The following ZNF574 variants were observed in gnomAD, a reference collection of about 807,000 sequenced individuals.
ZNF574 encodes zinc finger protein 574.
A neutral mutation model predicts 56.6 loss-of-function variants in ZNF574; 25 were observed. The ratio of observed to expected loss-of-function variants is 0.44; its 90% CI spans 0.32 to 0.62. The LOEUF is 0.62. Among genes scored for constraint, ZNF574 ranks in the 20% least tolerant of loss-of-function variants. The pLI is 0.04. For synonymous variants in ZNF574, 543 were observed against 492.1 expected, an observed-to-expected ratio of 1.10 and a Z score of -1.37; for missense variants, 1,065 against 1,218.9, an observed-to-expected ratio of 0.87 and a Z score of 1.88.
Position 42,068,955 on chromosome 19 carries a change from G to A in ZNF574, c.244G>A (p.Ala82Thr), listed in dbSNP as rs1304766651. ...CAGCAGGGGCACGGACATGCCAGGG[G>A]CCCGGGGTAAGTGAGAGCCCAAGTA... Residue 82 changes from alanine to threonine, a missense_variant, in exon 1 of 2, where the codon GCC (alanine) becomes ACC (threonine). Coordinates refer to the ZNF574 transcript ENST00000222339. 3 of 613,866 alleles carry A rather than the reference G, an allele frequency of 4.9e-6. 1 individual carries two copies. The Admixed American group carries it at 7.9e-5, about 16-fold the overall frequency. 38.0% of individuals were successfully genotyped at this position (613,866 alleles called of 1,614,324 possible). A position where few individuals can be genotyped will look rare whatever the true frequency, so the allele number is the denominator to read the frequency against.
At chr19:42,070,634 G>C (rs995701086) in intron 1 of ZNF574, 1 of 153,400 alleles carries the variant, frequency 6.5e-6, no homozygotes, top group African/African-American at 2.4e-5. Flanking sequence ...GAAAAGCCCA[G>C]GGATAAGAAA....
At chr19:42,069,761 C>A (rs1200219366) in intron 1 of ZNF574, among the ~76,000 whole-genome samples, 1 of 151,776 alleles carries the variant, frequency 6.6e-6, no homozygotes, top group Non-Finnish European at 1.5e-5. Flanking sequence ...CTTTCCCCCT[C>A]CCCCCTGGAG....
chr19:42,070,451 G>A, intron 1 of ZNF574: 1 of 153,104 alleles, frequency 6.5e-6, no homozygotes, highest in Non-Finnish European at 1.5e-5. Flanking sequence ...TGCCCAGGCA[G>A]CCCTGGGCAC....
intron 1 of ZNF574, among the ~76,000 whole-genome samples, chr19:42,071,157 TGGAG>T (rs2076416642): frequency 1.3e-5 from 2 of 151,552 alleles, no homozygotes; most frequent in Admixed American, 6.6e-5. Flanking sequence ...GAGAGGAAGC[TGGAG>T]GGCAGAGCCA....
At chr19:42,078,507 A>C in intron 1 of ZNF574, 80 bp from the exon 2 acceptor site, 6 of 989,324 alleles carry the variant, frequency 6.1e-6, no homozygotes, top group Non-Finnish European at 8.2e-6. Flanking sequence ...GATCTAAGGT[A>C]TTAGGAGTGG....
At position 42,080,812 on chromosome 19, in the gene ZNF574, C is replaced by T. The variant is rs373671334; in HGVS notation, c.2206C>T (p.Arg736Trp). 12 of 1,613,954 alleles carry T rather than the reference C, an allele frequency of 7.4e-6. No individual in the cohort carries two copies. Among genetic ancestry groups the T allele is most frequent in the East Asian group, 2.2e-5 (1 of 44,892 alleles). ...ATCCCCTGCGGCCCCTGCCCGCCGC[C>T]GGGGTCTAGAGTGCAGCGAGTGCAA... ...TASPAAPARR[R>W]GLECSECKKL... Residue 736 changes from arginine (R) to tryptophan (W), a missense_variant, in exon 2 of 2, where the codon CGG becomes TGG. Arg to Trp is a moderately radical substitution (Grantham distance 101, BLOSUM62 -3). Coordinates refer to ENST00000359044, the MANE Select transcript of ZNF574 (RefSeq NM_022752.6). This position sits in a 1 kb window ranked among gnomAD's most constrained non-coding sequence, Gnocchi z 8.5.
In ZNF574 at chr19:42,079,391, C is replaced by G; in HGVS notation, c.785C>G (p.Pro262Arg). Residue 262 changes from proline (P) to arginine (R), a missense_variant, in exon 2 of 2, where the codon CCT becomes CGT. Coordinates refer to ENST00000359044, the MANE Select transcript of ZNF574 (RefSeq NM_022752.6). This position sits in a 1 kb window ranked among gnomAD's most constrained non-coding sequence, Gnocchi z 4.3. Reference sequence around the variant, plus strand: ...CAGGCCTCGTCACCTGCAGAGGTGCCTGTGTCTCAGCCTGACCCCTTGCCA... The same window carrying G: ...CAGGCCTCGTCACCTGCAGAGGTGCGTGTGTCTCAGCCTGACCCCTTGCCA... ...EVQASSPAEV[P>R]VSQPDPLPAS... The G allele has an allele frequency of 6.2e-7, 1 of 1,613,696 alleles. No individual in the cohort carries two copies. The highest frequency in any genetic ancestry group is 1.1e-5 in the South Asian group (1 of 91,090).
At chr19:42,068,783 A>C (rs890648597) in exon 1 of ZNF574, 18 of 566,710 alleles carry the variant, frequency 3.2e-5, no homozygotes, top group Non-Finnish European at 5.4e-5. Flanking sequence ...CAAGAGACAC[A>C]GGAAATGGGG....
Position 42,079,023 on chromosome 19 carries a change from G to A in ZNF574, c.417G>A (p.Glu139=). 6.2e-7 allele frequency: 1 copy of A among 1,614,134 alleles called. No homozygotes were observed. Among genetic ancestry groups the A allele is most frequent in the Non-Finnish European group, 8.5e-7 (1 of 1,180,000 alleles). The change falls in exon 2 of 2, where the codon GAG becomes GAA. Residue 139 remains glutamate (E), a synonymous_variant. Coordinates refer to ENST00000359044, the MANE Select transcript of ZNF574 (RefSeq NM_022752.6). The surrounding 1 kb of genome is among the most constrained non-coding windows in gnomAD (Gnocchi z 4.3). ...VDCKALFASQ[E]LWLNHRQTHL... ...GCAAGGCTCTCTTTGCCAGCCAGGA[G>A]CTCTGGCTGAACCACCGGCAGACGC...
exon 1 of ZNF574, chr19:42,068,693 G>C (rs1393447329): frequency 4.5e-6 from 2 of 446,662 alleles, no homozygotes; most frequent in African/African-American, 4.1e-5. Context: ...CTGACAGAGA[G>C]AGGGATCTAA....
rs374826825 is a variant in ZNF574, at chr19:42,080,720, C to T, written c.2114C>T (p.Pro705Leu). 4.3e-6 allele frequency: 7 copies of T among 1,613,500 alleles called. No homozygotes were observed. The highest frequency in any genetic ancestry group is 5.9e-6 in the Non-Finnish European group (7 of 1,179,966). Residue 705 changes from proline (P) to leucine (L), a missense_variant, in exon 2 of 2, where the codon CCT becomes CTT. By Grantham distance (98) the Pro-to-Leu change is moderately conservative. Coordinates refer to ENST00000359044, the MANE Select transcript of ZNF574 (RefSeq NM_022752.6). This position sits in a 1 kb window ranked among gnomAD's most constrained non-coding sequence, Gnocchi z 8.5. The part of the protein sequence containing the change: ...GEVLAKEPPA[P>L]RAPRATRAPV... ...GTCCTGGCTAAGGAGCCCCCTGCCC[C>T]TCGAGCCCCACGGGCCACTCGTGCA...
chr19:42,078,564 G>A, intron 1 of ZNF574, 23 bp from the exon 2 acceptor site: 1 of 1,585,262 alleles, frequency 6.3e-7, no homozygotes, highest in Non-Finnish European at 8.6e-7. Context: ...TAACTGGTTT[G>A]TCCCCACTGT....
At position 42,079,601 on chromosome 19, in the gene ZNF574, G is replaced by A. The variant is rs3745226; in HGVS notation, c.995G>A (p.Arg332Gln). The A allele has an allele frequency of 1.1e-3, 1,709 of 1,614,140 alleles. 32 individuals carry two copies. The East Asian group carries it at 0.029, about 28-fold the overall frequency. ...CTACAGCAGCACCTGCGGAGTCACCGGGAGGGCGTCTTTAAGTGCCCCCTG... is the reference window on the plus strand; with the variant it reads ...CTACAGCAGCACCTGCGGAGTCACCAGGAGGGCGTCTTTAAGTGCCCCCTG... ...HQLQQHLRSH[R>Q]EGVFKCPLCS... Residue 332 changes from arginine to glutamine, a missense_variant, in exon 2 of 2, where the codon CGG becomes CAG. Transcript: ENST00000359044. The surrounding 1 kb of genome is among the most constrained non-coding windows in gnomAD (Gnocchi z 4.3).
chr19:42,077,471 G>A (rs372878935), intron 1 of ZNF574, among the ~76,000 whole-genome samples: 2 of 152,082 alleles, frequency 1.3e-5, no homozygotes, highest in East Asian at 1.9e-4. Context: ...TGTGGAGGAG[G>A]ATCTGGATAT....
At position 42,080,871 on chromosome 19, in the gene ZNF574, G is replaced by A; in HGVS notation, c.2265G>A (p.Val755=). The change falls in exon 2 of 2, where the codon GTG becomes GTA. Residue 755 remains valine (V), a synonymous_variant. Transcript: ENST00000359044. This position sits in a 1 kb window ranked among gnomAD's most constrained non-coding sequence, Gnocchi z 8.5. Reference sequence around the variant, plus strand: ...TCAGCACAGAGACGTCACTGCAGGTGCACCGGCGCATCCACACAGGTGAGC... The same window carrying A: ...TCAGCACAGAGACGTCACTGCAGGTACACCGGCGCATCCACACAGGTGAGC... The part of the protein sequence containing the change: ...KLFSTETSLQ[V]HRRIHTGERP... 1.2e-6 allele frequency: 2 copies of A among 1,613,924 alleles called. No individual in the cohort carries two copies. Among genetic ancestry groups the A allele is most frequent in the Non-Finnish European group, 1.7e-6 (2 of 1,179,970 alleles).
upstream of ZNF574, among the ~76,000 whole-genome samples, chr19:42,072,640 C>T (rs1210136901): frequency 1.3e-5 from 2 of 151,570 alleles, no homozygotes; most frequent in African/African-American, 4.9e-5. Flanking sequence ...CATCTTGGCT[C>T]ACTGCAACCT....
At chr19:42,068,510 C>G in exon 1 of ZNF574, 1 of 384,966 alleles carries the variant, frequency 2.6e-6, no homozygotes. Context: ...AGCCGGGCAC[C>G]CAGAGTGGAT....
upstream of ZNF574, among the ~76,000 whole-genome samples, chr19:42,072,692 G>A (rs966027344): frequency 2.0e-5 from 3 of 151,752 alleles, no homozygotes; most frequent in Non-Finnish European, 4.4e-5. Context: ...TCAGCCTCCC[G>A]CGTAGCTGGG....
intron 1 of ZNF574, among the ~76,000 whole-genome samples, 156 bp downstream of exon 1, chr19:42,076,442 C>T (rs1475714199): frequency 6.6e-6 from 1 of 151,812 alleles, no homozygotes; most frequent in Admixed American, 6.5e-5. Flanking sequence ...GCGCGGGCAG[C>T]CGGGCGGGGG....
Sources: allele counts gnomAD v4.1 joint callset (sites outside exome capture counted in the v4.1 genomes callset), GRCh38; gene constraint gnomAD v4.1.1; non-coding constraint Gnocchi (gnomAD v3.1); transcripts MANE v1.5; gene names NCBI Gene and HGNC (gene_info 2026-07-23, HGNC 2026-07-21).